The following RBFOX3 variants were observed in gnomAD, a reference collection of about 807,000 sequenced individuals.
The protein encoded by RBFOX3 is RNA binding protein fox-1 homolog 3.
In RBFOX3, 17 loss-of-function variants were observed where a neutral mutation model predicts 48.7. The observed-to-expected ratio is 0.35, with a 90% CI of 0.24 to 0.52. RBFOX3 has a LOEUF of 0.52. Ranked by LOEUF, RBFOX3 falls within the 20% of genes least tolerant of loss-of-function variation. RBFOX3 has a pLI of 0.94. For synonymous variants in RBFOX3, 212 were observed against 209.5 expected (o/e 1.01, Z -0.10); for missense variants, 382 against 497.5 (o/e 0.77, Z 2.21).
In RBFOX3 at chr17:79,437,450, C is replaced by T. The variant is rs533630321; in HGVS notation, c.-175+45004G>A. Among the ~76,000 whole-genome samples the T allele has an allele frequency of 4.6e-5, 7 of 152,378 alleles. No homozygotes were observed. The East Asian group carries it at 1.3e-3, about 29-fold the overall frequency. On this transcript the variant is annotated intron_variant, in intron 2 of 14. Coordinates refer to ENST00000693108, the MANE Select transcript of RBFOX3 (RefSeq NM_001350451.2). ...CACCTCTGAGCTGAGCTGCCTGTCA[C>T]CGTCACTGCCACTCTGTGACACCAG...
At chr17:79,355,298 C>T (rs1350831487) in intron 2 of RBFOX3, among the ~76,000 whole-genome samples, 2 of 152,232 alleles carry the variant, frequency 1.3e-5, no homozygotes, top group Admixed American at 1.3e-4. Context: ...ATCGAGGGCT[C>T]TGGGGAGACG....
the RBFOX3 span, among the ~76,000 whole-genome samples, chr17:79,625,685 A>T: frequency 7.1e-6 from 1 of 140,634 alleles, no homozygotes; most frequent in Admixed American, 7.2e-5. Context: ...CCAGCTACTC[A>T]GGAGGCTGAG....
At chr17:79,660,782 T>G in the RBFOX3 span, among the ~76,000 whole-genome samples, 38 of 152,340 alleles carry the variant, frequency 2.5e-4, no homozygotes, top group Admixed American at 1.6e-3. Flanking sequence ...TTACTGAGTA[T>G]ATACCCAAAG....
At chr17:79,619,796 A>G in the RBFOX3 span, among the ~76,000 whole-genome samples, 13 of 151,884 alleles carry the variant, frequency 8.6e-5, 1 homozygote, top group African/African-American at 3.1e-4. Context: ...GCCATTCACC[A>G]TCTCCCCTCC....
At chr17:79,143,161 C>T (rs1253671218) in intron 4 of RBFOX3, among the ~76,000 whole-genome samples, 1 of 152,132 alleles carries the variant, frequency 6.6e-6, no homozygotes, top group East Asian at 1.9e-4. Context: ...AAGGGGGGTC[C>T]CTGTGTCTGT....
rs2058462706 is a variant in RBFOX3, at chr17:79,212,130, G to A, written c.-34+23636C>T. Among the ~76,000 whole-genome samples the A allele has an allele frequency of 2.0e-5, 3 of 152,200 alleles. No homozygotes were observed. Among genetic ancestry groups the A allele is most frequent in the South Asian group, 4.1e-4 (2 of 4,832 alleles). On this transcript the variant is annotated intron_variant, in intron 4 of 14. Transcript: ENST00000693108. This position sits in a 1 kb window ranked among gnomAD's most constrained non-coding sequence, Gnocchi z 4.7. Reference sequence around the variant, plus strand: ...AAGACGGGCCCACCTGGGCATCTTCGACCATGCCAGGGACAAGACAGCAGA... The same window carrying A: ...AAGACGGGCCCACCTGGGCATCTTCAACCATGCCAGGGACAAGACAGCAGA...
the RBFOX3 span, among the ~76,000 whole-genome samples, chr17:79,658,793 G>A: frequency 4.0e-4 from 61 of 152,040 alleles, no homozygotes; most frequent in Non-Finnish European, 8.4e-4. Context: ...TCATTCATCG[G>A]CCCTGAAAAC....
intron 1 of RBFOX3, chr17:79,604,017 C>A (rs2093771058): frequency 1.3e-5 from 2 of 152,300 alleles, no homozygotes; most frequent in Admixed American, 1.3e-4. Flanking sequence ...GTGCGGCCGG[C>A]CCTGATGGGC....
intron 1 of RBFOX3, among the ~76,000 whole-genome samples, chr17:79,581,289 A>C (rs1352510011): frequency 6.6e-6 from 1 of 152,176 alleles, no homozygotes; most frequent in Non-Finnish European, 1.5e-5. Context: ...AAACCAAAAA[A>C]AAACACCAGT....
At chr17:79,379,630 G>A (rs987460473) in intron 2 of RBFOX3, among the ~76,000 whole-genome samples, 4 of 152,148 alleles carry the variant, frequency 2.6e-5, no homozygotes, top group African/African-American at 7.2e-5. Flanking sequence ...CTCAGGGGCC[G>A]GCGTTCCAGG....
intron 4 of RBFOX3, among the ~76,000 whole-genome samples, chr17:79,122,730 T>C (rs766427875): frequency 6.6e-6 from 1 of 152,120 alleles, no homozygotes; most frequent in Non-Finnish European, 1.5e-5. Flanking sequence ...AGGAAATCAG[T>C]ATATGGAGGA....
chr17:79,517,682 C>A (rs1409435642), intron 1 of RBFOX3, among the ~76,000 whole-genome samples: 1 of 152,096 alleles, frequency 6.6e-6, no homozygotes, highest in African/African-American at 2.4e-5. Flanking sequence ...TGGCCTCTCA[C>A]CCACAGCTTC....
chr17:79,471,572 C>T lies in RBFOX3; in HGVS notation c.-175+10882G>A, dbSNP rs998697122. Among the ~76,000 whole-genome samples, 6 of 152,190 alleles carry T rather than the reference C, an allele frequency of 3.9e-5. No homozygotes were observed. In the East Asian group the frequency reaches 9.6e-4, roughly 24 times the overall value. ...CTGTGGGTACAGGCGTGAGCTTTCTCAGCTACAAAGAGCACGACATAAACA... is the reference window on the plus strand; with the variant it reads ...CTGTGGGTACAGGCGTGAGCTTTCTTAGCTACAAAGAGCACGACATAAACA... On this transcript the variant is annotated intron_variant, in intron 2 of 14. Coordinates refer to ENST00000693108, the MANE Select transcript of RBFOX3 (RefSeq NM_001350451.2). The surrounding 1 kb of genome is among the most constrained non-coding windows in gnomAD (Gnocchi z 4.0).
intron 3 of RBFOX3, among the ~76,000 whole-genome samples, chr17:79,291,129 G>A (rs2073179374): frequency 6.6e-6 from 1 of 152,240 alleles, no homozygotes. Context: ...GAGGAAGAAA[G>A]TTATTTAGTG....
chr17:79,449,530 T>C (rs2073049165), intron 2 of RBFOX3, among the ~76,000 whole-genome samples: 2 of 152,254 alleles, frequency 1.3e-5, no homozygotes, highest in Non-Finnish European at 1.5e-5. Context: ...TGAAATATTC[T>C]AGAATTTTGC....
the RBFOX3 span, among the ~76,000 whole-genome samples, chr17:79,618,186 G>A: frequency 3.9e-5 from 6 of 152,162 alleles, no homozygotes; most frequent in South Asian, 2.1e-4. Flanking sequence ...TTTGGGGAGC[G>A]GCGATAGCCT....
intron 3 of RBFOX3, among the ~76,000 whole-genome samples, chr17:79,307,286 G>A (rs1441467558): frequency 1.3e-5 from 2 of 152,246 alleles, no homozygotes; most frequent in African/African-American, 4.8e-5. Context: ...ACACGGTCCT[G>A]TTCCACCCTA....
Position 79,252,263 on chromosome 17 carries a change from C to G in RBFOX3, c.-73-16458G>C, listed in dbSNP as rs2064082053. Among the ~76,000 whole-genome samples the G allele has an allele frequency of 6.9e-6, 1 of 144,362 alleles. No individual in the cohort carries two copies. The highest frequency in any genetic ancestry group is 7.2e-5 in the Admixed American group (1 of 13,832). The allele number at this position is 144,362 out of a possible 152,430, so 94.7% of individuals were successfully genotyped here. A position where few individuals can be genotyped will look rare whatever the true frequency, so the allele number is the denominator to read the frequency against. ...CACCCTGATGCCAGCAATGCCCACT[C>G]TAGCCGAGTTCCCTGTGGGTCCAAC... On this transcript the variant is annotated intron_variant, in intron 3 of 14. Transcript: ENST00000693108. The surrounding 1 kb of genome is among the most constrained non-coding windows in gnomAD (Gnocchi z 4.0).
intron 1 of RBFOX3, among the ~76,000 whole-genome samples, chr17:79,562,541 C>G (rs1257837195): frequency 1.3e-5 from 2 of 152,200 alleles, no homozygotes; most frequent in Non-Finnish European, 2.9e-5. Flanking sequence ...TAAAACATTT[C>G]ACTCCGAATT....
Sources: allele counts gnomAD v4.1 joint callset (sites outside exome capture counted in the v4.1 genomes callset), GRCh38; gene constraint gnomAD v4.1.1; non-coding constraint Gnocchi (gnomAD v3.1); transcripts MANE v1.5; gene names NCBI Gene and HGNC (gene_info 2026-07-23, HGNC 2026-07-21).